The following PRKD2 variants were observed in gnomAD, a reference collection of about 807,000 sequenced individuals.
PRKD2 encodes serine/threonine-protein kinase D2.
Under a neutral mutation model 86.0 loss-of-function variants are expected in PRKD2, and 22 were observed. The ratio of observed to expected loss-of-function variants is 0.26; its 90% CI spans 0.18 to 0.37. PRKD2 has a LOEUF of 0.37. Ranked by LOEUF, PRKD2 falls within the 10% of genes least tolerant of loss-of-function variation. The probability of loss-of-function intolerance (pLI) is 1.00; values close to 1 mark genes in which losing one functional copy is unlikely to be tolerated. For synonymous variants in PRKD2, 509 were observed against 510.9 expected, an observed-to-expected ratio of 1.00 and a Z score of 0.05; for missense variants, 818 against 1,199.2, an observed-to-expected ratio of 0.68 and a Z score of 4.70.
intron 14 of PRKD2, among the ~76,000 whole-genome samples, chr19:46,687,532 T>A (rs2053419460): frequency 6.6e-6 from 1 of 152,200 alleles, no homozygotes; most frequent in Non-Finnish European, 1.5e-5. Flanking sequence ...ATATTTGATG[T>A]CTCTGACCCT....
intron 9 of PRKD2, among the ~76,000 whole-genome samples, chr19:46,695,282 C>T (rs192170552): frequency 7.5e-4 from 114 of 152,272 alleles, no homozygotes; most frequent in East Asian, 3.7e-3. Flanking sequence ...GTCAGGAGTT[C>T]GAGACCCGCC....
Position 46,704,663 on chromosome 19 carries a change from C to T in PRKD2, c.512-14G>A. ...TCAGCCCGCAGCCTGCAGGGGGCGC[C>T]AGAGAGTAAGAGACATGGCGTCTGC... On this transcript the variant is annotated splice_polypyrimidine_tract_variant and intron_variant, in intron 3 of 17. Transcript: ENST00000291281. 1 of 1,592,570 alleles carries T rather than the reference C, an allele frequency of 6.3e-7. No homozygotes were observed. The highest frequency in any genetic ancestry group is 8.6e-7 in the Non-Finnish European group (1 of 1,168,402).
intron 14 of PRKD2, chr19:46,685,347 T>G (rs1208364016): frequency 6.6e-6 from 1 of 152,078 alleles, no homozygotes. Context: ...GCTACTTGGC[T>G]GTGACCTCGA....
chr19:46,709,400 G>T (rs2053769487), intron 3 of PRKD2: 1 of 158,470 alleles, frequency 6.3e-6, no homozygotes, highest in South Asian at 2.0e-4. Flanking sequence ...TTTTGCTCTT[G>T]TTGCCCAGGC....
At chr19:46,710,695 C>T (rs2053792815) in intron 3 of PRKD2, 1 of 585,200 alleles carries the variant, frequency 1.7e-6, no homozygotes, top group East Asian at 2.9e-5. Context: ...CTAGGCTCCG[C>T]CCCTAGACCT....
rs574548881 is a variant in PRKD2, at chr19:46,675,741, G to A, written c.2339-623C>T. Among the ~76,000 whole-genome samples, 19 of 151,940 alleles carry A rather than the reference G, an allele frequency of 1.3e-4. No individual in the cohort carries two copies. In the South Asian group the frequency reaches 2.5e-3, roughly 20 times the overall value. ...ATTACAGGCATGAGCCACTGCGCCC[G>A]GCCTAAATGGATTTTCAACCTACAA... On this transcript the variant is annotated intron_variant, in intron 16 of 17. Coordinates refer to ENST00000291281, the MANE Select transcript of PRKD2 (RefSeq NM_016457.5).
intron 15 of PRKD2, among the ~76,000 whole-genome samples, chr19:46,680,946 A>ATATATATTTTTTTT: frequency 2.1e-5 from 1 of 48,258 alleles, no homozygotes; most frequent in Non-Finnish European, 4.0e-5. Context: ...ATATATATAT[A>ATATATATTTTTTTT]TTTTTTTTTT....
Position 46,713,895 on chromosome 19 carries a change from T to C in PRKD2, c.347A>G (p.Gln116Arg). 2.0e-6 allele frequency: 3 copies of C among 1,512,098 alleles called. No homozygotes were observed. The highest frequency in any genetic ancestry group is 2.7e-6 in the Non-Finnish European group (3 of 1,116,424). 93.7% of individuals were successfully genotyped at this position (1,512,098 alleles called of 1,614,324 possible). Residue 116 changes from glutamine (Q) to arginine (R), a missense_variant, in exon 2 of 18, where the codon CAG becomes CGG. Gln to Arg is a conservative substitution (Grantham distance 43). Around this residue, in one of 5 missense-constraint regions of PRKD2, gnomAD observed 403 missense variants for 518.6 expected, o/e 0.78. Transcript: ENST00000291281. The stretch of plus-strand genomic sequence containing the variant: ...CACCACCTCCACCAGGTCGCCCTCC[T>C]GGATGTCTCCGGACGAGCGCACCAG... Reference protein sequence around the residue: ...LQLVRSSGDIQEGDLVEVVLS... With the variant: ...LQLVRSSGDIREGDLVEVVLS...
intron 2 of PRKD2, 96 bp from the exon 3 acceptor site, chr19:46,711,134 C>T: frequency 6.9e-7 from 1 of 1,452,148 alleles, no homozygotes; most frequent in Non-Finnish European, 9.3e-7. Flanking sequence ...CTCCCAGCCG[C>T]AAGGTGTGAT....
At position 46,678,732 on chromosome 19, in the gene PRKD2, A is replaced by G. The variant is rs2053251145; in HGVS notation, c.2071-69T>C. The G allele has an allele frequency of 1.3e-6, 2 of 1,499,364 alleles. No individual in the cohort carries two copies. The highest frequency in any genetic ancestry group is 4.6e-5 in the East Asian group (2 of 43,118). 92.9% of individuals were successfully genotyped at this position (1,499,364 alleles called of 1,614,324 possible). A position where few individuals can be genotyped will look rare whatever the true frequency, so the allele number is the denominator to read the frequency against. On this transcript the variant is annotated intron_variant, in intron 15 of 17. Coordinates refer to ENST00000291281, the MANE Select transcript of PRKD2 (RefSeq NM_016457.5). The surrounding 1 kb of genome is among the most constrained non-coding windows in gnomAD (Gnocchi z 5.7). Reference sequence around the variant, plus strand: ...GCACCCACCCCAGCATCCCCACCACACCACCCTCCATGGTATTCCAGAGAA... The same window carrying G: ...GCACCCACCCCAGCATCCCCACCACGCCACCCTCCATGGTATTCCAGAGAA...
In PRKD2 at chr19:46,707,824, C is replaced by T. The variant is rs111822523; in HGVS notation, c.511+3083G>A. On this transcript the variant is annotated intron_variant, in intron 3 of 17. Coordinates refer to ENST00000291281, the MANE Select transcript of PRKD2 (RefSeq NM_016457.5). The stretch of plus-strand genomic sequence containing the variant: ...AAGAACTGTATGTTTTGGACAGGCG[C>T]GGTGGCTCATGCCTGTAATCCCAGC... Among the ~76,000 whole-genome samples the T allele has an allele frequency of 7.5e-3, 1,146 of 152,132 alleles. 12 individuals carry two copies. The highest frequency in any genetic ancestry group is 0.026 in the African/African-American group (1,090 of 41,500).
intron 5 of PRKD2, among the ~76,000 whole-genome samples, chr19:46,702,040 T>TG (rs1337976673): frequency 1.4e-5 from 2 of 145,142 alleles, no homozygotes; most frequent in African/African-American, 2.7e-5. Flanking sequence ...TGTTTTTTGT[T>TG]TTTTTTTTTT....
At chr19:46,709,837 C>A (rs2053777604) in intron 3 of PRKD2, among the ~76,000 whole-genome samples, 1 of 152,126 alleles carries the variant, frequency 6.6e-6, no homozygotes, top group Non-Finnish European at 1.5e-5. Flanking sequence ...CAGCTTGTGC[C>A]TGAGTTCCCA....
chr19:46,713,803 T>G, intron 2 of PRKD2, 60 bp downstream of exon 2: 29 of 744,382 alleles, frequency 3.9e-5, no homozygotes, highest in Non-Finnish European at 4.4e-5. Flanking sequence ...TACCCTCTCC[T>G]CCCCCAGATG....
At position 46,693,941 on chromosome 19, in the gene PRKD2, T is replaced by C. The variant is rs753340735; in HGVS notation, c.1510A>G (p.Ile504Val). 1 of 1,611,334 alleles carries C rather than the reference T, an allele frequency of 6.2e-7. No homozygotes were observed. The highest frequency in any genetic ancestry group is 8.5e-7 in the Non-Finnish European group (1 of 1,179,770). Reference protein sequence around the residue: ...AEAARGWETAIRQALMPVILQ... With the variant: ...AEAARGWETAVRQALMPVILQ... Reference sequence around the variant, plus strand: ...ATGACGGGCATCAGGGCCTGGCGGATGGCTGTCTCCCAGCCCCGGGCGGCC... The same window carrying C: ...ATGACGGGCATCAGGGCCTGGCGGACGGCTGTCTCCCAGCCCCGGGCGGCC... Residue 504 changes from isoleucine to valine, a missense_variant, in exon 10 of 18, where the codon ATC (isoleucine) becomes GTC (valine). Ile to Val is a conservative substitution (Grantham distance 29). Around this residue, in one of 5 missense-constraint regions of PRKD2, gnomAD observed 127 missense variants for 157.8 expected, o/e 0.80. Coordinates refer to ENST00000291281, the MANE Select transcript of PRKD2 (RefSeq NM_016457.5). The surrounding 1 kb of genome is among the most constrained non-coding windows in gnomAD (Gnocchi z 4.5).
chr19:46,681,683 G>A lies in PRKD2; in HGVS notation c.2037C>T (p.Asn679=), dbSNP rs1486119781. Residue 679 remains asparagine, a synonymous_variant, in exon 15 of 18, where the codon AAC becomes AAT. Coordinates refer to ENST00000291281, the MANE Select transcript of PRKD2 (RefSeq NM_016457.5). ...ATGGGTCTGCTGATGCCAGCAACACGTTTTCTGGTTTCAAGTCACAGTGGA... is the reference window on the plus strand; with the variant it reads ...ATGGGTCTGCTGATGCCAGCAACACATTTTCTGGTTTCAAGTCACAGTGGA... ...NIVHCDLKPE[N]VLLASADPFP... The A allele has an allele frequency of 4.5e-6, 7 of 1,551,650 alleles. No individual in the cohort carries two copies. The highest frequency in any genetic ancestry group is 1.8e-5 in the Admixed American group (1 of 56,876).
At chr19:46,711,267 AGTT>A (rs1394112566) in intron 2 of PRKD2, among the ~76,000 whole-genome samples, 1 of 152,170 alleles carries the variant, frequency 6.6e-6, no homozygotes, top group Non-Finnish European at 1.5e-5. Context: ...GGAATTGGGG[AGTT>A]GTTTAACGGG....
In PRKD2 at chr19:46,689,612, C is replaced by T. The variant is rs1568721545; in HGVS notation, c.1896G>A (p.Gly632=). 1.2e-6 allele frequency: 2 copies of T among 1,614,132 alleles called. No individual in the cohort carries two copies. The highest frequency in any genetic ancestry group is 8.5e-7 in the Non-Finnish European group (1 of 1,180,018). ...TGGACAGGATCATCTCCAACATGTC[C>T]CCATGCAGCTTCTCCATCACCACAA... ...KVFVVMEKLH[G]DMLEMILSSE... is the part of the protein sequence containing the mutation. Residue 632 remains glycine (G), a synonymous_variant, in exon 14 of 18, where the codon GGG becomes GGA. Coordinates refer to ENST00000291281, the MANE Select transcript of PRKD2 (RefSeq NM_016457.5).
At chr19:46,712,828 G>A (rs80341410) in intron 2 of PRKD2, among the ~76,000 whole-genome samples, 1 of 152,306 alleles carries the variant, frequency 6.6e-6, no homozygotes, top group East Asian at 1.9e-4. Flanking sequence ...CTAAGGTGCT[G>A]AGAGCATGCC....
Sources: gnomAD v4.1 joint callset for allele counts (sites outside exome capture counted in the v4.1 genomes callset) on GRCh38, gnomAD v4.1.1 for gene constraint, gnomAD v4.1.1 regional missense constraint, Gnocchi (gnomAD v3.1) non-coding constraint, MANE v1.5 for transcripts, NCBI Gene and HGNC (gene_info 2026-07-23, HGNC 2026-07-21) for gene names.